Variants in PARD3B observed in about 807,000 individuals in gnomAD.
The protein encoded by PARD3B is partitioning defective 3 homolog B.
PARD3B carries 103 observed loss-of-function variants against 130.2 expected under a neutral mutation model. The ratio of observed to expected loss-of-function variants is 0.79; its 90% CI spans 0.67 to 0.93. PARD3B has a LOEUF of 0.93. Among genes scored for constraint, PARD3B ranks in the 40% least tolerant of loss-of-function variants. The pLI, the probability that PARD3B is intolerant of heterozygous loss-of-function variation, is 0.00. For missense variants in PARD3B, 1,609 were observed against 1,499.2 expected, an observed-to-expected ratio of 1.07 and a Z score of -1.21; for synonymous variants, 583 against 553.2, an observed-to-expected ratio of 1.05 and a Z score of -0.76.
chr2:204,886,877 C>G (rs1179443536), intron 2 of PARD3B, among the ~76,000 whole-genome samples: 1 of 152,162 alleles, frequency 6.6e-6, no homozygotes, highest in African/African-American at 2.4e-5. Flanking sequence ...TGTTTAACAT[C>G]AGGGTGTCAT....
chr2:205,151,136 A>G (rs2033727881), intron 10 of PARD3B, among the ~76,000 whole-genome samples: 2 of 152,162 alleles, frequency 1.3e-5, no homozygotes, highest in African/African-American at 2.4e-5. Flanking sequence ...TTGTTTTGTC[A>G]TGATTTCTGT....
chr2:205,132,426 A>G (rs190912954), intron 10 of PARD3B, among the ~76,000 whole-genome samples: 257 of 151,674 alleles, frequency 1.7e-3, no homozygotes, highest in Non-Finnish European at 5.0e-4. Flanking sequence ...TTCTTCCCCT[A>G]CTCTCTACTC....
At chr2:204,992,443 G>A (rs995199827) in intron 3 of PARD3B, among the ~76,000 whole-genome samples, 2 of 136,164 alleles carry the variant, frequency 1.5e-5, no homozygotes, top group Admixed American at 7.7e-5. Context: ...CTATATCTCT[G>A]TTTTGGTACC....
chr2:204,953,544 A>C (rs926937220), intron 2 of PARD3B, among the ~76,000 whole-genome samples: 1 of 152,066 alleles, frequency 6.6e-6, no homozygotes, highest in African/African-American at 2.4e-5. Flanking sequence ...ACACAAACAC[A>C]CTACAGACAC....
At chr2:205,468,503 C>T (rs2048711156) in intron 20 of PARD3B, among the ~76,000 whole-genome samples, 1 of 152,222 alleles carries the variant, frequency 6.6e-6, no homozygotes, top group South Asian at 2.1e-4. Flanking sequence ...TTCTTCATGA[C>T]TATTGCTGCT....
intron 1 of PARD3B, among the ~76,000 whole-genome samples, chr2:204,566,879 CTCTT>C (rs2031701429): frequency 6.8e-6 from 1 of 146,940 alleles, no homozygotes; most frequent in Non-Finnish European, 1.5e-5. Context: ...CTTTCTAAAC[CTCTT>C]TTTTTTTTTT....
chr2:205,086,251 A>G (rs1260080222), intron 4 of PARD3B, among the ~76,000 whole-genome samples: 1 of 152,240 alleles, frequency 6.6e-6, no homozygotes, highest in Non-Finnish European at 1.5e-5. Context: ...AGTAAATATT[A>G]CAGAAATAAT....
chr2:205,173,565 A>G lies in PARD3B; in HGVS notation c.1791+1184A>G, dbSNP rs572603335. On this transcript the variant is annotated intron_variant, in intron 12 of 22. Coordinates refer to ENST00000406610, the MANE Select transcript of PARD3B (RefSeq NM_001302769.2). Reference sequence around the variant, plus strand: ...TCTCAGAGAGTAAACTTGAGTAGTAAAGTTATATACTCTATCTTACTTTAT... The same window carrying G: ...TCTCAGAGAGTAAACTTGAGTAGTAGAGTTATATACTCTATCTTACTTTAT... 4.9e-4 allele frequency among the ~76,000 whole-genome samples: 74 copies of G among 152,288 alleles called. No homozygotes were observed. In the Middle Eastern group the frequency reaches 0.01, roughly 21 times the overall value.
chr2:205,260,272 T>G (rs1470069026), intron 16 of PARD3B, among the ~76,000 whole-genome samples: 1 of 152,144 alleles, frequency 6.6e-6, no homozygotes, highest in African/African-American at 2.4e-5. Context: ...CAACAAACAG[T>G]GGCATATGAG....
intron 4 of PARD3B, among the ~76,000 whole-genome samples, chr2:205,098,227 T>C (rs1702520054): frequency 6.6e-6 from 1 of 152,198 alleles, no homozygotes; most frequent in African/African-American, 2.4e-5. Flanking sequence ...TTCATGTGTA[T>C]TTTCAAAAGA....
intron 2 of PARD3B, among the ~76,000 whole-genome samples, chr2:204,925,852 T>G (rs1421042551): frequency 6.6e-6 from 1 of 152,126 alleles, no homozygotes; most frequent in East Asian, 1.9e-4. Context: ...TCCCCTGTGC[T>G]GTTTTTTGTG....
rs887074458 is a variant in PARD3B at position 205,241,923 on chromosome 2, G to T, written c.2141-3855G>T. Among the ~76,000 whole-genome samples, 16 of 151,952 alleles carry T rather than the reference G, an allele frequency of 1.1e-4. No individual in the cohort carries two copies. Among genetic ancestry groups the T allele is most frequent in the African/African-American group, 3.1e-4 (13 of 41,368 alleles). On this transcript the variant is annotated intron_variant, in intron 15 of 22. Transcript: ENST00000406610. This position sits in a 1 kb window ranked among gnomAD's most constrained non-coding sequence, Gnocchi z 4.2. ...TTAATGTGAGTTATAAAGGAAGTTG[G>T]TATTAATTATAACACTTGCCATTTA...
intron 20 of PARD3B, among the ~76,000 whole-genome samples, chr2:205,453,535 C>T (rs1488823755): frequency 2.0e-5 from 3 of 152,048 alleles, no homozygotes; most frequent in South Asian, 2.1e-4. Context: ...TCTATTTCAC[C>T]GATGAAAAAC....
intron 3 of PARD3B, among the ~76,000 whole-genome samples, chr2:205,042,075 G>T (rs1296221516): frequency 6.6e-6 from 1 of 152,074 alleles, no homozygotes; most frequent in Non-Finnish European, 1.5e-5. Flanking sequence ...TTTATATCTT[G>T]CATGATTCAT....
At chr2:205,289,478 A>T (rs1437325152) in intron 16 of PARD3B, among the ~76,000 whole-genome samples, 4 of 152,232 alleles carry the variant, frequency 2.6e-5, no homozygotes, top group Non-Finnish European at 5.9e-5. Context: ...AGGTTCTATC[A>T]TTATCTCTGT....
chr2:205,330,579 C>T (rs189879953), intron 18 of PARD3B, among the ~76,000 whole-genome samples: 1 of 152,266 alleles, frequency 6.6e-6, no homozygotes, highest in African/African-American at 2.4e-5. Context: ...CATTTGTTTG[C>T]TCAGAGGAAA....
At chr2:205,335,397 C>T (rs1574733189) in intron 18 of PARD3B, among the ~76,000 whole-genome samples, 1 of 152,300 alleles carries the variant, frequency 6.6e-6, no homozygotes, top group East Asian at 1.9e-4. Flanking sequence ...GTAGAATTGT[C>T]TAGCATGTTG....
chr2:205,335,644 A>T (rs868624624), intron 18 of PARD3B, among the ~76,000 whole-genome samples: 1 of 36,030 alleles, frequency 2.8e-5, no homozygotes, highest in Non-Finnish European at 1.5e-4. Flanking sequence ...AGACTGGGGA[A>T]AAAAAAAAAG....
At chr2:204,936,820 TTAAAACTGCC>T (rs1417940402) in intron 2 of PARD3B, among the ~76,000 whole-genome samples, 34 of 152,238 alleles carry the variant, frequency 2.2e-4, no homozygotes, top group African/African-American at 7.7e-4. Flanking sequence ...TAGTGAATCT[TTAAAACTGCC>T]ATATGGGCAT....
Sources: allele counts gnomAD v4.1 joint callset (sites outside exome capture counted in the v4.1 genomes callset), GRCh38; gene constraint gnomAD v4.1.1; non-coding constraint Gnocchi (gnomAD v3.1); transcripts MANE v1.5; gene names NCBI Gene and HGNC (gene_info 2026-07-23, HGNC 2026-07-21).